The following SCUBE1 variants were observed in gnomAD, a reference collection of about 807,000 sequenced individuals.
SCUBE1 encodes the protein signal peptide, CUB and EGF-like domain-containing protein 1.
A neutral mutation model predicts 124.4 loss-of-function variants in SCUBE1; 59 were observed. The observed-to-expected ratio is 0.47, with a 90% confidence interval of 0.38 to 0.59. SCUBE1 has a LOEUF of 0.59. Ranked by LOEUF, SCUBE1 falls within the 20% of genes least tolerant of loss-of-function variation. The probability of loss-of-function intolerance (pLI) is 0.00; values close to 1 mark genes in which losing one functional copy is unlikely to be tolerated. For missense variants in SCUBE1, 1,150 were observed against 1,371.2 expected (o/e 0.84, Z 2.55); for synonymous variants, 545 against 550.9 (o/e 0.99, Z 0.15).
intron 6 of SCUBE1, among the ~76,000 whole-genome samples, chr22:43,256,271 G>A (rs1923657988): frequency 6.6e-6 from 1 of 152,206 alleles, no homozygotes; most frequent in South Asian, 2.1e-4. Flanking sequence ...ATGCAAAGAG[G>A]GATCACTTAT....
intron 7 of SCUBE1, among the ~76,000 whole-genome samples, chr22:43,235,666 G>A (rs919701408): frequency 6.6e-6 from 1 of 152,156 alleles, no homozygotes; most frequent in Non-Finnish European, 1.5e-5. Context: ...GAAGATACAC[G>A]TCTGCTTTCT....
rs150934832 is a variant in SCUBE1, at chr22:43,243,998, C to T, written c.728-5044G>A. Among the ~76,000 whole-genome samples, 896 of 152,262 alleles carry T rather than the reference C, an allele frequency of 5.9e-3. 13 individuals are homozygous for T. Among genetic ancestry groups the T allele is most frequent in the African/African-American group, 0.021 (858 of 41,570 alleles). ...GGACACAGCCACTGGTCTTCACAGGCGGGTCAATTTCACGGTGCTAGGTGG... is the reference window on the plus strand; with the variant it reads ...GGACACAGCCACTGGTCTTCACAGGTGGGTCAATTTCACGGTGCTAGGTGG... On this transcript the variant is annotated intron_variant, in intron 6 of 21. Transcript: ENST00000360835.
At chr22:43,315,206 C>T (rs1441662366) in intron 3 of SCUBE1, among the ~76,000 whole-genome samples, 1 of 152,100 alleles carries the variant, frequency 6.6e-6, no homozygotes, top group African/African-American at 2.4e-5. Flanking sequence ...TACATCTGTA[C>T]ACAAGCTCTG....
At chr22:43,289,322 G>C (rs116659816) in intron 4 of SCUBE1, among the ~76,000 whole-genome samples, 3 of 152,156 alleles carry the variant, frequency 2.0e-5, no homozygotes, top group Non-Finnish European at 4.4e-5. Context: ...GGGCAGCTTG[G>C]CCCCACAGCC....
chr22:43,221,257 G>A lies in SCUBE1; in HGVS notation c.1465C>T (p.Arg489Cys), dbSNP rs777612531. 28 of 1,611,382 alleles carry A rather than the reference G, an allele frequency of 1.7e-5. No individual in the cohort carries two copies. Among genetic ancestry groups the A allele is most frequent in the Non-Finnish European group, 2.0e-5 (24 of 1,179,970 alleles). Reference protein sequence around the residue: ...APTTPIKQKARFKIRDAKCHL... With the variant: ...APTTPIKQKACFKIRDAKCHL... The stretch of plus-strand genomic sequence containing the variant: ...CACTTGGCATCTCGGATCTTGAAGC[G>A]GGCCTTCTGTTTGATGGGGGTGGTG... Residue 489 changes from arginine (R) to cysteine (C), a missense_variant, in exon 13 of 22, where the codon CGC becomes TGC. Arg to Cys is a radical substitution (Grantham distance 180, BLOSUM62 -3). Around this residue, in one of 3 missense-constraint regions of SCUBE1, gnomAD observed 757 missense variants for 840.9 expected, o/e 0.90. Transcript: ENST00000360835.
intron 3 of SCUBE1, among the ~76,000 whole-genome samples, chr22:43,300,854 C>T (rs1925745671): frequency 6.6e-6 from 1 of 152,024 alleles, no homozygotes. Flanking sequence ...GCCCCCAAAC[C>T]CCCAGGCCTG....
chr22:43,239,086 G>C, intron 6 of SCUBE1, 132 bp from the exon 7 acceptor site: 1 of 682,854 alleles, frequency 1.5e-6, no homozygotes. Flanking sequence ...TATACTCTCT[G>C]GCTGTGGGAC....
intron 4 of SCUBE1, among the ~76,000 whole-genome samples, chr22:43,290,386 GC>G (rs1430683236): frequency 1.3e-5 from 2 of 152,184 alleles, no homozygotes; most frequent in African/African-American, 4.8e-5. Context: ...CAGCTCTGCT[GC>G]CCTGAGCCGA....
At chr22:43,295,152 A>G (rs1417285689) in intron 3 of SCUBE1, among the ~76,000 whole-genome samples, 1 of 152,150 alleles carries the variant, frequency 6.6e-6, no homozygotes, top group African/African-American at 2.4e-5. Flanking sequence ...GGTAGTGACG[A>G]AGGTTCCCAG....
Position 43,234,009 on chromosome 22 carries a change from C to T in SCUBE1, c.845-2134G>A, listed in dbSNP as rs773810876. Among the ~76,000 whole-genome samples the T allele has an allele frequency of 1.1e-4, 17 of 151,868 alleles. No individual in the cohort carries two copies. Among genetic ancestry groups the T allele is most frequent in the African/African-American group, 3.9e-4 (16 of 41,326 alleles). Reference sequence around the variant, plus strand: ...AGGTCACAGCACCACACGCAGGAGCCGGCTCTCAGCCAGCACCATCCGAAC... The same window carrying T: ...AGGTCACAGCACCACACGCAGGAGCTGGCTCTCAGCCAGCACCATCCGAAC... On this transcript the variant is annotated intron_variant, in intron 7 of 21. Coordinates refer to ENST00000360835, the MANE Select transcript of SCUBE1 (RefSeq NM_173050.5). The surrounding 1 kb of genome is among the most constrained non-coding windows in gnomAD (Gnocchi z 4.4).
intron 5 of SCUBE1, among the ~76,000 whole-genome samples, chr22:43,261,875 C>G (rs988623545): frequency 6.6e-6 from 1 of 152,186 alleles, no homozygotes; most frequent in South Asian, 2.1e-4. Flanking sequence ...CCCTCATCTC[C>G]CACGAGGAGA....
chr22:43,265,852 C>T (rs1924042570), intron 4 of SCUBE1, among the ~76,000 whole-genome samples: 2 of 152,208 alleles, frequency 1.3e-5, no homozygotes, highest in Admixed American at 1.3e-4. Context: ...GTAATCCCAG[C>T]ACTTTGGGAG....
chr22:43,215,909 TCA>T (rs1235588612), intron 15 of SCUBE1, among the ~76,000 whole-genome samples: 2 of 143,576 alleles, frequency 1.4e-5, no homozygotes, highest in Non-Finnish European at 3.0e-5. Context: ...GCATGCACAC[TCA>T]CACACATGCA....
Position 43,240,723 on chromosome 22 carries a change from T to C in SCUBE1, c.728-1769A>G, listed in dbSNP as rs75761381. Among the ~76,000 whole-genome samples, 12 of 152,316 alleles carry C rather than the reference T, an allele frequency of 7.9e-5. 1 individual carries two copies. In the South Asian group the frequency reaches 2.1e-3, roughly 26 times the overall value. ...GGGCCTGGCTTGTTAGTTTCCTCCCTGGGCTGACAACCAGAGAGGGAACTC... is the reference window on the plus strand; with the variant it reads ...GGGCCTGGCTTGTTAGTTTCCTCCCCGGGCTGACAACCAGAGAGGGAACTC... On this transcript the variant is annotated intron_variant, in intron 6 of 21. Coordinates refer to ENST00000360835, the MANE Select transcript of SCUBE1 (RefSeq NM_173050.5).
intron 17 of SCUBE1, 39 bp downstream of exon 17, chr22:43,212,386 T>C (rs147597838): frequency 6.5e-7 from 1 of 1,541,292 alleles, no homozygotes; most frequent in Non-Finnish European, 8.8e-7. Flanking sequence ...CAGCCCTGCC[T>C]CTCGGGGTGG....
At chr22:43,326,003 G>A (rs1926715954) in intron 2 of SCUBE1, among the ~76,000 whole-genome samples, 1 of 151,332 alleles carries the variant, frequency 6.6e-6, no homozygotes, top group African/African-American at 2.4e-5. Flanking sequence ...TTTACTCTGT[G>A]GTGTCTAGAT....
chr22:43,273,433 G>T (rs954282224), intron 4 of SCUBE1, among the ~76,000 whole-genome samples: 2 of 152,128 alleles, frequency 1.3e-5, no homozygotes, highest in Non-Finnish European at 2.9e-5. Context: ...TCTATGGGTT[G>T]GGCAACACCG....
intron 6 of SCUBE1, among the ~76,000 whole-genome samples, chr22:43,240,442 C>T (rs917886688): frequency 6.6e-6 from 1 of 152,210 alleles, no homozygotes; most frequent in Non-Finnish European, 1.5e-5. Flanking sequence ...CCCTGATACC[C>T]CAGACACGGA....
chr22:43,243,271 G>A (rs1183889108), intron 6 of SCUBE1, among the ~76,000 whole-genome samples: 1 of 152,220 alleles, frequency 6.6e-6, no homozygotes, highest in Non-Finnish European at 1.5e-5. Context: ...CTGGTGCCCT[G>A]GCTTCCTCCT....
Sources: gnomAD v4.1 joint callset for allele counts (sites outside exome capture counted in the v4.1 genomes callset) on GRCh38, gnomAD v4.1.1 for gene constraint, gnomAD v4.1.1 regional missense constraint, Gnocchi (gnomAD v3.1) non-coding constraint, MANE v1.5 for transcripts, NCBI Gene and HGNC (gene_info 2026-07-23, HGNC 2026-07-21) for gene names.